CLDND2: variants seen among roughly 807,000 people sequenced by gnomAD.
CLDND2 encodes the protein claudin domain containing 2.
A neutral mutation model predicts 17.7 loss-of-function variants in CLDND2; 18 were observed. That is an observed-to-expected ratio of 1.02 (90% CI 0.70 to 1.51). The LOEUF (loss-of-function observed/expected upper bound fraction) is 1.51. Among genes scored for constraint, CLDND2 ranks in the 40% most tolerant of loss-of-function variants. The pLI, the probability that CLDND2 is intolerant of heterozygous loss-of-function variation, is 0.00. For missense variants in CLDND2, 233 were observed against 219.6 expected (o/e 1.06, Z -0.39); for synonymous variants, 113 against 93.0 (o/e 1.22, Z -1.24).
chr19:51,368,549 C>G lies in CLDND2; in HGVS notation c.29G>C (p.Gly10Ala), dbSNP rs765336897. 1.2e-6 allele frequency: 2 copies of G among 1,613,806 alleles called. No homozygotes were observed. The highest frequency in any genetic ancestry group is 1.7e-6 in the Non-Finnish European group (2 of 1,179,908). The stretch of plus-strand genomic sequence containing the variant: ...GGCCACGAGGCTGAGCAGAATGCCC[C>G]CACTCTGGAGGCTCCGCTTCACCCC... MGVKRSLQS[G>A]GILLSLVANV... The change falls in exon 1 of 4, where the codon GGG (glycine) becomes GCG (alanine). Residue 10 changes from glycine to alanine, a missense_variant. Transcript: ENST00000291715.
At chr19:51,367,023 A>T, downstream of CLDND2, 2 of 887,464 alleles carry the variant, frequency 2.3e-6, no homozygotes, top group Non-Finnish European at 3.8e-6. This position sits in a 1 kb window ranked among gnomAD's most constrained non-coding sequence, Gnocchi z 7.4. Context: ...TCATGTCCTT[A>T]TGTCTTCCCT....
At chr19:51,368,248 A>G in intron 1 of CLDND2, 161 bp downstream of exon 1, 2 of 994,778 alleles carry the variant, frequency 2.0e-6, no homozygotes, top group South Asian at 1.6e-5. Flanking sequence ...GGACAAGCCC[A>G]CAAGTCGAGG....
chr19:51,367,995 C>A lies in CLDND2; in HGVS notation c.201G>T (p.Val67=). The A allele has an allele frequency of 6.2e-7, 1 of 1,612,102 alleles. No homozygotes were observed. The highest frequency in any genetic ancestry group is 2.2e-5 in the East Asian group (1 of 44,838). Residue 67 remains valine (V), a synonymous_variant, in exon 2 of 4, where the codon GTG becomes GTT. Coordinates refer to ENST00000291715, the MANE Select transcript of CLDND2 (RefSeq NM_152353.3). The surrounding 1 kb of genome is among the most constrained non-coding windows in gnomAD (Gnocchi z 7.4). The stretch of plus-strand genomic sequence containing the variant: ...CCACCACGCCGACACCCACCGCCAG[C>A]ACCATGCACGCCACAGTCACCGCCA... ...TTLAVTVACM[V]LAVGVGVVGM...
Position 51,367,745 on chromosome 19 carries a change from C to A in CLDND2, c.310+141G>T. ...TCCCGCTCTGAACTCTGTCTCGAGCCCCGCCCACCTCTCTCGGCTTCTTCC... is the reference window on the plus strand; with the variant it reads ...TCCCGCTCTGAACTCTGTCTCGAGCACCGCCCACCTCTCTCGGCTTCTTCC... On this transcript the variant is annotated intron_variant, in intron 2 of 3. Coordinates refer to ENST00000291715, the MANE Select transcript of CLDND2 (RefSeq NM_152353.3). This position sits in a 1 kb window ranked among gnomAD's most constrained non-coding sequence, Gnocchi z 7.4. 1 of 1,476,256 alleles carries A rather than the reference C, an allele frequency of 6.8e-7. No homozygotes were observed. 91.4% of individuals were successfully genotyped at this position (1,476,256 alleles called of 1,614,324 possible). A position where few individuals can be genotyped will look rare whatever the true frequency, so the allele number is the denominator to read the frequency against.
Position 51,368,871 on chromosome 19 carries a change from C to A in CLDND2, c.-294G>T, listed in dbSNP as rs778206354. ...TGTGAGGAACCTGTCTTCCCAGAGA[C>A]CTCCCCCGACAGCCGAACGCCCTTT... is the stretch of plus-strand genomic sequence containing the variant. On this transcript the variant is annotated 5_prime_UTR_variant, in exon 1 of 4. Coordinates refer to ENST00000291715, the MANE Select transcript of CLDND2 (RefSeq NM_152353.3). 47 of 339,596 alleles carry A rather than the reference C, an allele frequency of 1.4e-4. No individual in the cohort carries two copies. Among genetic ancestry groups the A allele is most frequent in the Non-Finnish European group, 2.3e-4 (42 of 183,338 alleles). The allele number at this position is 339,596 out of a possible 1,614,324, so 21.0% of individuals were successfully genotyped here. A position where few individuals can be genotyped will look rare whatever the true frequency, so the allele number is the denominator to read the frequency against.
At position 51,367,644 on chromosome 19, in the gene CLDND2, TTCAGACCCGCCCCCTTCTA is replaced by T. The variant is rs1375396840; in HGVS notation, c.311-87_311-69del. 272 of 1,548,912 alleles carry T rather than the reference TTCAGACCCGCCCCCTTCTA, an allele frequency of 1.8e-4. 1 individual carries two copies. Among genetic ancestry groups the T allele is most frequent in the Non-Finnish European group, 2.2e-4 (258 of 1,147,016 alleles). ...GGGGGCTGCACCCAGGCCACGCCCC[TTCAGACCCGCCCCCTTCTA>T]TCAGACCACGCCTATCGCCTCTCAG... On this transcript the variant is annotated intron_variant, in intron 2 of 3. Transcript: ENST00000291715. This position sits in a 1 kb window ranked among gnomAD's most constrained non-coding sequence, Gnocchi z 7.4.
rs867796482 is a variant in CLDND2, at chr19:51,367,543, G to A, written c.344C>T (p.Thr115Ile). The A allele has an allele frequency of 6.2e-7, 1 of 1,612,092 alleles. No individual in the cohort carries two copies. Reference sequence around the variant, plus strand: ...GTTGTTCTTCCACGCATTCTTCACGGTGTAGCCTATCAAGGCGGTCAGCAG... The same window carrying A: ...GTTGTTCTTCCACGCATTCTTCACGATGTAGCCTATCAAGGCGGTCAGCAG... ...LLLLTALIGY[T>I]VKNAWKNNVF... The change falls in exon 3 of 4, where the codon ACC (threonine) becomes ATC (isoleucine). Residue 115 changes from threonine to isoleucine, a missense_variant. Thr to Ile is a moderately conservative substitution (Grantham distance 89). Transcript: ENST00000291715. The surrounding 1 kb of genome is among the most constrained non-coding windows in gnomAD (Gnocchi z 7.4).
chr19:51,368,613 G>T lies in CLDND2; in HGVS notation c.-36C>A. ...CTGCAGCCGGGGGCCACAAGGGCAG[G>T]ATGGGCCCAGGCCTTTCCTACCCCG... On this transcript the variant is annotated 5_prime_UTR_variant, in exon 1 of 4. Transcript: ENST00000291715. 6.3e-7 allele frequency: 1 copy of T among 1,593,734 alleles called. No homozygotes were observed. The highest frequency in any genetic ancestry group is 8.5e-7 in the Non-Finnish European group (1 of 1,170,182).
chr19:51,367,153 C>A lies in CLDND2; in HGVS notation c.493G>T (p.Val165Leu), dbSNP rs1986422183. 1 of 1,614,080 alleles carries A rather than the reference C, an allele frequency of 6.2e-7. No individual in the cohort carries two copies. The highest frequency in any genetic ancestry group is 1.7e-5 in the Admixed American group (1 of 60,006). Residue 165 changes from valine (V) to leucine (L), a missense_variant, in exon 4 of 4, where the codon GTG becomes TTG. Val to Leu is a conservative substitution (Grantham distance 32). Coordinates refer to ENST00000291715, the MANE Select transcript of CLDND2 (RefSeq NM_152353.3). This position sits in a 1 kb window ranked among gnomAD's most constrained non-coding sequence, Gnocchi z 7.4. Reference sequence around the variant, plus strand: ...CAGGCAGGCTGCAGTCACAGACACACGGGGAATCCACTGATGGCGTCGGTG... The same window carrying A: ...CAGGCAGGCTGCAGTCACAGACACAAGGGGAATCCACTGATGGCGTCGGTG... ...QSTDAISGFPVCL is the reference protein window; with the variant it reads ...QSTDAISGFPLCL
intron 1 of CLDND2, 46 bp from the exon 2 acceptor site, chr19:51,368,072 A>G (rs1986503192): frequency 1.3e-6 from 2 of 1,548,058 alleles, no homozygotes; most frequent in Non-Finnish European, 1.7e-6. Flanking sequence ...CGCCCCAGTC[A>G]CTACGGGTTC....
chr19:51,367,082 C>G (rs1428080313), downstream of CLDND2: 5 of 1,554,738 alleles, frequency 3.2e-6, no homozygotes, highest in East Asian at 6.7e-5. The surrounding 1 kb of genome is among the most constrained non-coding windows in gnomAD (Gnocchi z 7.4). Context: ...CGCAGAAAAG[C>G]ACGCGGAGCC....
At position 51,367,827 on chromosome 19, in the gene CLDND2, C is replaced by A; in HGVS notation, c.310+59G>T. ...TCAAGCCCCTCCCCTGGCGACCAGG[C>A]CCCTCCATCACCCAGGGCCCGCCCC... On this transcript the variant is annotated intron_variant, in intron 2 of 3. Coordinates refer to ENST00000291715, the MANE Select transcript of CLDND2 (RefSeq NM_152353.3). The surrounding 1 kb of genome is among the most constrained non-coding windows in gnomAD (Gnocchi z 7.4). 1.9e-6 allele frequency: 3 copies of A among 1,582,226 alleles called. No individual in the cohort carries two copies. The highest frequency in any genetic ancestry group is 8.6e-7 in the Non-Finnish European group (1 of 1,169,268).
chr19:51,368,089 A>C, intron 1 of CLDND2, 63 bp from the exon 2 acceptor site: 4 of 1,502,654 alleles, frequency 2.7e-6, no homozygotes, highest in Non-Finnish European at 3.6e-6. Context: ...GTTCGGCCGC[A>C]ACCGGAAGCT....
Position 51,367,612 on chromosome 19 carries a change from GCCTGGTGGGGGCTGCA to G in CLDND2, c.311-52_311-37del. 6.3e-7 allele frequency: 1 copy of G among 1,597,314 alleles called. No homozygotes were observed. Among genetic ancestry groups the G allele is most frequent in the Non-Finnish European group, 8.5e-7 (1 of 1,171,560 alleles). The stretch of plus-strand genomic sequence containing the variant: ...CCCAGCCGCAAGATGAGCTAGCTGG[GCCTGGTGGGGGCTGCA>G]CCCAGGCCACGCCCCTTCAGACCCG... On this transcript the variant is annotated intron_variant, in intron 2 of 3. Coordinates refer to ENST00000291715, the MANE Select transcript of CLDND2 (RefSeq NM_152353.3). The surrounding 1 kb of genome is among the most constrained non-coding windows in gnomAD (Gnocchi z 7.4).
At position 51,367,571 on chromosome 19, in the gene CLDND2, GCAGTCCTGGGCCC is replaced by G. The variant is rs1326931023; in HGVS notation, c.311-8_315del. The G allele has an allele frequency of 6.2e-7, 1 of 1,611,182 alleles. No individual in the cohort carries two copies. Among genetic ancestry groups the G allele is most frequent in the South Asian group, 1.1e-5 (1 of 90,488 alleles). On this transcript the variant is annotated splice_acceptor_variant and splice_polypyrimidine_tract_variant and coding_sequence_variant and intron_variant, in exon 3 of 4. Coordinates refer to ENST00000291715, the MANE Select transcript of CLDND2 (RefSeq NM_152353.3). LOFTEE classifies it high-confidence loss of function. This position sits in a 1 kb window ranked among gnomAD's most constrained non-coding sequence, Gnocchi z 7.4. ...TAGCCTATCAAGGCGGTCAGCAGCA[GCAGTCCTGGGCCC>G]CGCCCAGCCGCAAGATGAGCTAGCT...
At position 51,367,521 on chromosome 19, in the gene CLDND2, G is replaced by C; in HGVS notation, c.366C>G (p.Asn122Lys). 6.2e-7 allele frequency: 1 copy of C among 1,611,300 alleles called. No homozygotes were observed. Among genetic ancestry groups the C allele is most frequent in the Non-Finnish European group, 8.5e-7 (1 of 1,178,674 alleles). The change falls in exon 3 of 4, where the codon AAC (asparagine) becomes AAG (lysine). Residue 122 changes from asparagine to lysine, a missense_variant. Coordinates refer to ENST00000291715, the MANE Select transcript of CLDND2 (RefSeq NM_152353.3). This position sits in a 1 kb window ranked among gnomAD's most constrained non-coding sequence, Gnocchi z 7.4. ...AATAGGACCAAGAGAAGAAGACGTT[G>C]TTCTTCCACGCATTCTTCACGGTGT... Reference protein sequence around the residue: ...IGYTVKNAWKNNVFFSWSYFS... With the variant: ...IGYTVKNAWKKNVFFSWSYFS...
Position 51,367,175 on chromosome 19 carries a change from G to A in CLDND2, c.471C>T (p.Thr157=), listed in dbSNP as rs1059344. 4,671 of 1,614,216 alleles carry A rather than the reference G, an allele frequency of 2.9e-3. 8 individuals are homozygous for A. Among genetic ancestry groups the A allele is most frequent in the Non-Finnish European group, 3.6e-3 (4,252 of 1,180,024 alleles). The part of the protein sequence containing the change: ...FLLADMIMQS[T]DAISGFPVCL ...ACACGGGGAATCCACTGATGGCGTC[G>A]GTGCTCTGCATGATCATGTCTGCCA... Residue 157 remains threonine (T), a synonymous_variant, in exon 4 of 4, where the codon ACC becomes ACT. Transcript: ENST00000291715. The surrounding 1 kb of genome is among the most constrained non-coding windows in gnomAD (Gnocchi z 7.4).
chr19:51,367,235 G>T lies in CLDND2; in HGVS notation c.431-20C>A. On this transcript the variant is annotated intron_variant, in intron 3 of 3. Transcript: ENST00000291715. The surrounding 1 kb of genome is among the most constrained non-coding windows in gnomAD (Gnocchi z 7.4). ...AGAAGCCTGGGGGGACGGGGGTGCG[G>T]AGCAGGGAGAGGAAGGTGGGCCCTG... 1 of 1,613,730 alleles carries T rather than the reference G, an allele frequency of 6.2e-7. No individual in the cohort carries two copies. Among genetic ancestry groups the T allele is most frequent in the Middle Eastern group, 1.7e-4 (1 of 5,956 alleles).
chr19:51,368,135 G>T, intron 1 of CLDND2, 109 bp from the exon 2 acceptor site: 1 of 1,257,774 alleles, frequency 8.0e-7, no homozygotes, highest in Non-Finnish European at 1.1e-6. Context: ...TGTGTGGCCA[G>T]GAGCCGAGCT....
Sources: allele counts gnomAD v4.1 joint callset, GRCh38; gene constraint gnomAD v4.1.1; non-coding constraint Gnocchi (gnomAD v3.1); transcripts MANE v1.5; gene names NCBI Gene and HGNC (gene_info 2026-07-23, HGNC 2026-07-21).